The following SGCZ variants were observed in gnomAD, a reference collection of about 807,000 sequenced individuals.
SGCZ encodes the protein zeta-sarcoglycan.
In SGCZ, 40 loss-of-function variants were observed where a neutral mutation model predicts 41.3. The observed-to-expected ratio is 0.97, with a 90% confidence interval of 0.75 to 1.26. The LOEUF is 1.26. Ranked by LOEUF, SGCZ falls within the 50% of genes most tolerant of loss-of-function variation. SGCZ has a pLI of 0.00. For synonymous variants in SGCZ, 206 were observed against 137.5 expected, an observed-to-expected ratio of 1.50 and a Z score of -3.49; for missense variants, 552 against 369.8, an observed-to-expected ratio of 1.49 and a Z score of -4.04.
chr8:14,365,022 A>G lies in SGCZ; in HGVS notation c.235-40818T>C, dbSNP rs527980656. 5.9e-5 allele frequency among the ~76,000 whole-genome samples: 9 copies of G among 152,108 alleles called. No individual in the cohort carries two copies. The South Asian group carries it at 1.5e-3, about 25-fold the overall frequency. On this transcript the variant is annotated intron_variant, in intron 2 of 7. Coordinates refer to ENST00000382080, the MANE Select transcript of SGCZ (RefSeq NM_139167.4). ...ATCCATTTGATTTTCATCACTTTCTATGGTAAAATGTACATATATAATGTT... is the reference window on the plus strand; with the variant it reads ...ATCCATTTGATTTTCATCACTTTCTGTGGTAAAATGTACATATATAATGTT...
At chr8:14,209,470 G>A (rs1460822878) in intron 4 of SGCZ, among the ~76,000 whole-genome samples, 1 of 152,030 alleles carries the variant, frequency 6.6e-6, no homozygotes, top group African/African-American at 2.4e-5. Flanking sequence ...CTTCGCTTAT[G>A]ATAATTACAG....
chr8:15,079,204 C>G (rs909535647), intron 1 of SGCZ, among the ~76,000 whole-genome samples: 21 of 152,242 alleles, frequency 1.4e-4, no homozygotes, highest in Admixed American at 9.2e-4. Context: ...TACTTGTATT[C>G]ACTACCAGTC....
At chr8:14,123,188 C>T (rs1448315766) in intron 5 of SGCZ, among the ~76,000 whole-genome samples, 1 of 152,126 alleles carries the variant, frequency 6.6e-6, no homozygotes. Context: ...ATCTGCCAAA[C>T]AATAAAGGGG....
At chr8:14,716,340 AT>A (rs1277498395) in intron 1 of SGCZ, among the ~76,000 whole-genome samples, 1 of 152,008 alleles carries the variant, frequency 6.6e-6, no homozygotes, top group Non-Finnish European at 1.5e-5. Context: ...AAACTTCAAA[AT>A]TTTTCCATGC....
intron 3 of SGCZ, among the ~76,000 whole-genome samples, chr8:14,310,824 G>C (rs1801515020): frequency 6.6e-6 from 1 of 152,104 alleles, no homozygotes; most frequent in African/African-American, 2.4e-5. Context: ...AAATATGGTG[G>C]TAATAGAAAA....
At chr8:15,005,402 G>C (rs1458143446) in intron 1 of SGCZ, among the ~76,000 whole-genome samples, 1 of 147,100 alleles carries the variant, frequency 6.8e-6, no homozygotes, top group Non-Finnish European at 1.5e-5. Flanking sequence ...CGTGATCTCG[G>C]CTCATCACAA....
At chr8:14,542,682 A>G (rs755683902) in intron 2 of SGCZ, among the ~76,000 whole-genome samples, 4 of 151,850 alleles carry the variant, frequency 2.6e-5, no homozygotes, top group Non-Finnish European at 5.9e-5. Flanking sequence ...CTACTACATC[A>G]CTTCTCTCCA....
chr8:14,548,312 C>T (rs988879180), intron 2 of SGCZ, among the ~76,000 whole-genome samples: 11 of 152,072 alleles, frequency 7.2e-5, no homozygotes, highest in Admixed American at 2.6e-4. Context: ...AGCAACATGA[C>T]GAATTCTTGC....
intron 1 of SGCZ, among the ~76,000 whole-genome samples, chr8:14,968,544 G>C (rs1373756182): frequency 1.3e-5 from 2 of 151,958 alleles, no homozygotes; most frequent in Non-Finnish European, 2.9e-5. Flanking sequence ...AAAATCTAAA[G>C]GGCAAGATAG....
chr8:14,838,783 T>C (rs1802795600), intron 1 of SGCZ, among the ~76,000 whole-genome samples: 1 of 152,182 alleles, frequency 6.6e-6, no homozygotes. Flanking sequence ...TATCTTTTCG[T>C]GGAGCTGCAT....
At chr8:14,662,529 G>C (rs187365287) in intron 1 of SGCZ, among the ~76,000 whole-genome samples, 1 of 152,246 alleles carries the variant, frequency 6.6e-6, no homozygotes, top group African/African-American at 2.4e-5. Context: ...TAGTAGTAGA[G>C]TTTCAACAGA....
intron 2 of SGCZ, among the ~76,000 whole-genome samples, chr8:14,459,858 G>A (rs1452273820): frequency 6.6e-6 from 1 of 152,052 alleles, no homozygotes; most frequent in Non-Finnish European, 1.5e-5. Context: ...ACCCCAAATT[G>A]AGAGACATAT....
chr8:14,224,631 G>A (rs1043894731), intron 4 of SGCZ, among the ~76,000 whole-genome samples: 2 of 152,128 alleles, frequency 1.3e-5, no homozygotes, highest in Non-Finnish European at 2.9e-5. Context: ...CAGAAAAACA[G>A]TAAGTTCATA....
chr8:14,933,580 T>C (rs1047074571), intron 1 of SGCZ, among the ~76,000 whole-genome samples: 5 of 151,774 alleles, frequency 3.3e-5, no homozygotes, highest in African/African-American at 4.9e-5. Context: ...TACAGGCGCC[T>C]GCCACCACAC....
chr8:15,166,340 C>A (rs897888347), intron 1 of SGCZ, among the ~76,000 whole-genome samples: 5 of 151,800 alleles, frequency 3.3e-5, no homozygotes, highest in African/African-American at 9.7e-5. Context: ...CTCTGCCTCC[C>A]GGGTTCACAC....
intron 1 of SGCZ, among the ~76,000 whole-genome samples, chr8:15,183,251 T>C (rs1800231411): frequency 6.6e-6 from 1 of 152,254 alleles, no homozygotes; most frequent in African/African-American, 2.4e-5. Context: ...TATTATCAAG[T>C]ATTATATACT....
chr8:14,618,201 A>G (rs1371463220), intron 1 of SGCZ, among the ~76,000 whole-genome samples: 1 of 152,150 alleles, frequency 6.6e-6, no homozygotes, highest in Non-Finnish European at 1.5e-5. Context: ...TTTTATAACG[A>G]AAGACATAAC....
intron 1 of SGCZ, among the ~76,000 whole-genome samples, chr8:14,635,097 G>A (rs538364241): frequency 2.0e-5 from 3 of 151,294 alleles, no homozygotes; most frequent in East Asian, 1.9e-4. Context: ...TATCTTTAAG[G>A]CTCAAGTTTT....
chr8:14,946,833 G>A (rs750104154), intron 1 of SGCZ, among the ~76,000 whole-genome samples: 2 of 151,556 alleles, frequency 1.3e-5, no homozygotes, highest in African/African-American at 4.8e-5. Context: ...CCACCACCAC[G>A]CCCAGCTAAT....
Sources: gnomAD v4.1 joint callset for allele counts (sites outside exome capture counted in the v4.1 genomes callset) on GRCh38, gnomAD v4.1.1 for gene constraint, MANE v1.5 for transcripts, NCBI Gene and HGNC (gene_info 2026-07-23, HGNC 2026-07-21) for gene names.